Variants in RAB3GAP2 observed in about 807,000 individuals in gnomAD.
RAB3GAP2 encodes RAB3 GTPase activating non-catalytic protein subunit 2.
RAB3GAP2 carries 87 observed loss-of-function variants against 185.3 expected under a neutral mutation model. That is an observed-to-expected ratio of 0.47 (90% CI 0.39 to 0.56). The LOEUF (loss-of-function observed/expected upper bound fraction) is 0.56. Ranked by LOEUF, RAB3GAP2 falls within the 20% of genes least tolerant of loss-of-function variation. RAB3GAP2 has a pLI of 0.00. For missense variants in RAB3GAP2, 1,492 were observed against 1,638.2 expected, an observed-to-expected ratio of 0.91 and a Z score of 1.54; for synonymous variants, 554 against 576.1, an observed-to-expected ratio of 0.96 and a Z score of 0.55.
At chr1:220,217,952 T>C (rs970774691) in intron 2 of RAB3GAP2, among the ~76,000 whole-genome samples, 2 of 152,178 alleles carry the variant, frequency 1.3e-5, no homozygotes, top group Admixed American at 1.3e-4. Flanking sequence ...GGACTATAAG[T>C]GATCTCAGAA....
chr1:220,171,150 C>T, intron 23 of RAB3GAP2, 30 bp from the exon 24 acceptor site: 2 of 1,580,834 alleles, frequency 1.3e-6, no homozygotes, highest in Middle Eastern at 1.7e-4. Flanking sequence ...TGATTCTTTG[C>T]CAAAGATTCT....
At chr1:220,152,755 C>T (rs72747397) in intron 33 of RAB3GAP2, among the ~76,000 whole-genome samples, 3,398 of 152,184 alleles carry the variant, frequency 0.022, 48 homozygotes, top group Non-Finnish European at 0.032. Context: ...CGGGGTCTCG[C>T]TATATTGCCC....
intron 1 of RAB3GAP2, among the ~76,000 whole-genome samples, chr1:220,242,358 G>A (rs1659711303): frequency 6.6e-6 from 1 of 151,960 alleles, no homozygotes; most frequent in Non-Finnish European, 1.5e-5. Flanking sequence ...CAATGCTGGG[G>A]ATATAAGAAA....
In RAB3GAP2 at chr1:220,184,161, G is replaced by C. The variant is rs766630288; in HGVS notation, c.1873C>G (p.Leu625Val). The C allele has an allele frequency of 3.1e-6, 5 of 1,609,344 alleles. No individual in the cohort carries two copies. In the Admixed American group the frequency reaches 8.3e-5, roughly 27 times the overall value. ...AGCAATCCTTCATCAACAGACTCAA[G>C]TTCTAAAAGGCAGAAGGAAAAGTAT... Reference protein sequence around the residue: ...TLMDTLKSQELESVDEGLLQF... With the variant: ...TLMDTLKSQEVESVDEGLLQF... Residue 625 changes from leucine to valine, a missense_variant and splice_region_variant, in exon 19 of 35, where the codon CTT (leucine) becomes GTT (valine). Physicochemically the swap from Leu to Val is conservative, Grantham distance 32 (BLOSUM62 1). Around this residue, in one of 5 missense-constraint regions of RAB3GAP2, gnomAD observed 681 missense variants for 689.1 expected, o/e 0.99. Transcript: ENST00000358951.
At chr1:220,200,089 T>TC (rs1024333672) in intron 9 of RAB3GAP2, among the ~76,000 whole-genome samples, 1 of 152,196 alleles carries the variant, frequency 6.6e-6, no homozygotes, top group African/African-American at 2.4e-5. Context: ...TGTCCTGTTT[T>TC]CCCCTCACTC....
chr1:220,223,772 A>G (rs1659352151), intron 2 of RAB3GAP2, among the ~76,000 whole-genome samples: 1 of 152,056 alleles, frequency 6.6e-6, no homozygotes, highest in African/African-American at 2.4e-5. Flanking sequence ...GTAAACAACA[A>G]GTAAAGAAAG....
intron 1 of RAB3GAP2, among the ~76,000 whole-genome samples, chr1:220,246,314 T>C (rs1001553783): frequency 2.0e-5 from 3 of 151,790 alleles, no homozygotes; most frequent in Non-Finnish European, 4.4e-5. Context: ...ACTTTTACAC[T>C]GTTGGTGGGA....
chr1:220,212,754 A>C, intron 4 of RAB3GAP2, 133 bp downstream of exon 4: 1 of 780,622 alleles, frequency 1.3e-6, no homozygotes, highest in Non-Finnish European at 2.2e-6. Context: ...TGGCTTCCCA[A>C]AGTGCTAGGA....
intron 1 of RAB3GAP2, among the ~76,000 whole-genome samples, chr1:220,255,924 CA>C (rs1660025037): frequency 1.3e-5 from 2 of 152,132 alleles, no homozygotes; most frequent in African/African-American, 4.8e-5. Context: ...TCAGGAAATG[CA>C]AAGAGCCTCA....
At chr1:220,209,475 T>A (rs2102879686) in intron 7 of RAB3GAP2, among the ~76,000 whole-genome samples, 1 of 152,276 alleles carries the variant, frequency 6.6e-6, no homozygotes, top group South Asian at 2.1e-4. Context: ...TCAATGAAAT[T>A]TTCTTATTTT....
chr1:220,194,895 A>C (rs1183616650), intron 12 of RAB3GAP2, among the ~76,000 whole-genome samples, 183 bp downstream of exon 12: 2 of 152,262 alleles, frequency 1.3e-5, no homozygotes, highest in Non-Finnish European at 2.9e-5. Flanking sequence ...AGCTGTGAAC[A>C]AAACAGGTAA....
In RAB3GAP2 at chr1:220,191,048, T is replaced by A; in HGVS notation, c.1487+20A>T. On this transcript the variant is annotated intron_variant, in intron 14 of 34. Transcript: ENST00000358951. ...ATATTTCATTTTGTAACCAGCACAA[T>A]GCCAGCATTTGCAGCTTACCTGCAG... The A allele has an allele frequency of 6.3e-7, 1 of 1,590,894 alleles. No individual in the cohort carries two copies. Among genetic ancestry groups the A allele is most frequent in the Non-Finnish European group, 8.6e-7 (1 of 1,159,742 alleles).
At chr1:220,228,959 A>G (rs1302321616) in intron 2 of RAB3GAP2, among the ~76,000 whole-genome samples, 1 of 152,254 alleles carries the variant, frequency 6.6e-6, no homozygotes, top group Non-Finnish European at 1.5e-5. Context: ...TAGAATGAGT[A>G]GAAGCATCTT....
chr1:220,246,766 G>C (rs2102517918), intron 1 of RAB3GAP2, among the ~76,000 whole-genome samples: 1 of 126,074 alleles, frequency 7.9e-6, no homozygotes, highest in Admixed American at 8.6e-5. Flanking sequence ...TCTGAGGACT[G>C]TCGTGGGGTG....
intron 11 of RAB3GAP2, 32 bp from the exon 12 acceptor site, chr1:220,195,199 T>A (rs777156872): frequency 2.3e-5 from 37 of 1,611,408 alleles, no homozygotes; most frequent in Non-Finnish European, 2.9e-5. Context: ...AATATAAAAC[T>A]GAGCTTCCAG....
At chr1:220,155,071 A>G (rs779994197) in intron 31 of RAB3GAP2, among the ~76,000 whole-genome samples, 14 of 152,178 alleles carry the variant, frequency 9.2e-5, no homozygotes, top group Non-Finnish European at 1.3e-4. Context: ...AAAACACCTT[A>G]TTTAAAAGAA....
At chr1:220,185,503 G>A (rs1658491647) in intron 18 of RAB3GAP2, 148 bp downstream of exon 18, 4 of 607,164 alleles carry the variant, frequency 6.6e-6, no homozygotes, top group Admixed American at 3.0e-5. Flanking sequence ...TATTAAATAG[G>A]GAATAAATAA....
At chr1:220,244,223 T>C (rs1208234667) in intron 1 of RAB3GAP2, among the ~76,000 whole-genome samples, 1 of 152,144 alleles carries the variant, frequency 6.6e-6, no homozygotes, top group East Asian at 1.9e-4. Context: ...AGTTACCAAA[T>C]CAATGTACAC....
At chr1:220,178,426 A>G (rs1011174457) in intron 21 of RAB3GAP2, among the ~76,000 whole-genome samples, 10 of 152,344 alleles carry the variant, frequency 6.6e-5, no homozygotes, top group Non-Finnish European at 4.4e-5. Flanking sequence ...AGAAAAAACT[A>G]TCAAAAAACT....
Sources: allele counts gnomAD v4.1 joint callset (sites outside exome capture counted in the v4.1 genomes callset), GRCh38; gene constraint gnomAD v4.1.1; regional missense constraint gnomAD v4.1.1; transcripts MANE v1.5; gene names NCBI Gene and HGNC (gene_info 2026-07-23, HGNC 2026-07-21).